UBE2N: variants seen among roughly 807,000 people sequenced by gnomAD.
UBE2N encodes ubiquitin conjugating enzyme E2 N, also known as ubiquitin-conjugating enzyme E2 N.
For missense variants in UBE2N, 60 were observed against 192.1 expected (o/e 0.31, Z 4.07); for synonymous variants, 70 against 69.2 (o/e 1.01, Z -0.06).
intron 1 of UBE2N, among the ~76,000 whole-genome samples, chr12:93,433,646 G>A (rs2121095147): frequency 6.6e-6 from 1 of 152,136 alleles, no homozygotes; most frequent in South Asian, 2.1e-4. Context: ...TTTTTAGAAA[G>A]CAGCACTGTA....
chr12:93,429,435 G>A, intron 1 of UBE2N: 14 of 292,696 alleles, frequency 4.8e-5, no homozygotes, highest in South Asian at 4.2e-4. Context: ...ATGAGTTTCA[G>A]TCAATGATCA....
At chr12:93,411,683 GTTTT>G (rs148252849) in intron 1 of UBE2N, among the ~76,000 whole-genome samples, 2 of 151,816 alleles carry the variant, frequency 1.3e-5, no homozygotes, top group African/African-American at 4.8e-5. Flanking sequence ...TTTTTTGGTG[GTTTT>G]TTTTGGCTTG....
intron 1 of UBE2N, among the ~76,000 whole-genome samples, chr12:93,432,503 CT>C (rs1297004162): frequency 6.6e-6 from 1 of 150,740 alleles, no homozygotes; most frequent in Admixed American, 6.6e-5. Context: ...AACAAAACAG[CT>C]ACTTACTAAC....
chr12:93,419,545 A>G (rs1878339739), intron 1 of UBE2N, among the ~76,000 whole-genome samples: 1 of 152,260 alleles, frequency 6.6e-6, no homozygotes, highest in African/African-American at 2.4e-5. Context: ...TAATTCAAAC[A>G]AGCTAACTGA....
intron 1 of UBE2N, chr12:93,424,437 T>G (rs566307221): frequency 1.3e-5 from 2 of 152,350 alleles, no homozygotes; most frequent in East Asian, 3.9e-4. Context: ...TCGCTCAGAT[T>G]TGCATTCTCA....
intron 1 of UBE2N, among the ~76,000 whole-genome samples, chr12:93,437,286 T>C (rs1878961947): frequency 6.6e-6 from 1 of 151,552 alleles, no homozygotes; most frequent in Non-Finnish European, 1.5e-5. Flanking sequence ...GCTGTATGTA[T>C]ATAGTGTACT....
intron 1 of UBE2N, chr12:93,424,493 C>T (rs1211741174): frequency 6.6e-6 from 1 of 152,200 alleles, no homozygotes; most frequent in Admixed American, 6.5e-5. Flanking sequence ...TCCAAACCAT[C>T]AGGAAAGAAA....
intron 1 of UBE2N, among the ~76,000 whole-genome samples, chr12:93,415,311 T>C (rs1294057747): frequency 6.6e-6 from 1 of 152,162 alleles, no homozygotes; most frequent in African/African-American, 2.4e-5. Context: ...CACAGTAATA[T>C]ACTGAAATAG....
At chr12:93,424,676 G>A (rs1232457488) in intron 1 of UBE2N, among the ~76,000 whole-genome samples, 1 of 152,160 alleles carries the variant, frequency 6.6e-6, no homozygotes, top group Non-Finnish European at 1.5e-5. Flanking sequence ...CATAAATGGC[G>A]CCTCTTGAAG....
At chr12:93,437,126 T>A (rs1878956917) in intron 1 of UBE2N, among the ~76,000 whole-genome samples, 1 of 151,268 alleles carries the variant, frequency 6.6e-6, no homozygotes, top group Non-Finnish European at 1.5e-5. Context: ...TTCCAATATT[T>A]GAAAAAATAA....
At chr12:93,423,279 G>T (rs1235418514) in intron 1 of UBE2N, among the ~76,000 whole-genome samples, 1 of 152,158 alleles carries the variant, frequency 6.6e-6, no homozygotes, top group Non-Finnish European at 1.5e-5. Context: ...TATCATTTCT[G>T]CTTAAACTAG....
intron 1 of UBE2N, among the ~76,000 whole-genome samples, chr12:93,438,368 G>C (rs997021407): frequency 6.6e-6 from 1 of 152,146 alleles, no homozygotes; most frequent in Non-Finnish European, 1.5e-5. Flanking sequence ...TAGAGGGTAT[G>C]ACATATGAGC....
At chr12:93,428,886 G>A (rs971860031) in intron 1 of UBE2N, among the ~76,000 whole-genome samples, 14 of 152,328 alleles carry the variant, frequency 9.2e-5, no homozygotes, top group African/African-American at 3.4e-4. Flanking sequence ...CACAGTCAGT[G>A]CTGGCCCCTG....
At chr12:93,431,211 A>G (rs1878762589) in intron 1 of UBE2N, among the ~76,000 whole-genome samples, 1 of 152,170 alleles carries the variant, frequency 6.6e-6, no homozygotes, top group South Asian at 2.1e-4. Flanking sequence ...CTGGGCAACA[A>G]GAGCAAAACT....
intron 1 of UBE2N, among the ~76,000 whole-genome samples, chr12:93,430,802 T>TCA (rs1555197755): frequency 6.8e-6 from 1 of 147,710 alleles, no homozygotes; most frequent in Non-Finnish European, 1.5e-5. Context: ...AATATATATT[T>TCA]TATATATATA....
chr12:93,441,790 C>T, intron 1 of UBE2N, 65 bp downstream of exon 1: 2 of 1,563,582 alleles, frequency 1.3e-6, no homozygotes, highest in Non-Finnish European at 1.7e-6. Flanking sequence ...CGAGAGGCCG[C>T]GCTGCCTGCC....
chr12:93,409,938 A>G lies in UBE2N; in HGVS notation c.*101T>C. The G allele has an allele frequency of 8.1e-7, 1 of 1,228,074 alleles. No individual in the cohort carries two copies. Among genetic ancestry groups the G allele is most frequent in the South Asian group, 1.3e-5 (1 of 75,842 alleles). The allele number at this position is 1,228,074 out of a possible 1,614,324, so 76.1% of individuals were successfully genotyped here. A position where few individuals can be genotyped will look rare whatever the true frequency, so the allele number is the denominator to read the frequency against. On this transcript the variant is annotated 3_prime_UTR_variant, in exon 4 of 4. Coordinates refer to ENST00000318066, the MANE Select transcript of UBE2N (RefSeq NM_003348.4). ...GGACTGAAGATGTCTGGGCTTTTTT[A>G]TTCTGTAATGTTTCTAAGACTGTGT... is the stretch of plus-strand genomic sequence containing the variant.
At chr12:93,413,416 A>G (rs960451173) in intron 1 of UBE2N, among the ~76,000 whole-genome samples, 3 of 152,142 alleles carry the variant, frequency 2.0e-5, no homozygotes, top group Non-Finnish European at 2.9e-5. Flanking sequence ...GAATTTAAAT[A>G]CTAAACACAC....
intron 1 of UBE2N, among the ~76,000 whole-genome samples, chr12:93,434,718 T>G (rs1467690118): frequency 6.6e-6 from 1 of 151,842 alleles, no homozygotes; most frequent in Non-Finnish European, 1.5e-5. Context: ...AGTCATACGT[T>G]AAAAAAAATA....
Sources: gnomAD v4.1 joint callset for allele counts (sites outside exome capture counted in the v4.1 genomes callset) on GRCh38, gnomAD v4.1.1 for gene constraint, MANE v1.5 for transcripts, NCBI Gene and HGNC (gene_info 2026-07-23, HGNC 2026-07-21) for gene names.